KIF6: variants seen among roughly 807,000 people sequenced by gnomAD.
KIF6 encodes kinesin family member 6, also known as kinesin-like protein KIF6.
A neutral mutation model predicts 112.7 loss-of-function variants in KIF6; 106 were observed. The observed-to-expected ratio is 0.94, with a 90% confidence interval of 0.80 to 1.11. The LOEUF (loss-of-function observed/expected upper bound fraction) is 1.11. KIF6 is among the 50% of genes least tolerant of loss of function. The pLI is 0.00. For synonymous variants in KIF6, 339 were observed against 339.9 expected (o/e 1.00, Z 0.03); for missense variants, 929 against 964.0 (o/e 0.96, Z 0.48).
rs753590088 is a variant in KIF6 at position 39,429,735 on chromosome 6, C to T, written c.1754+1318G>A. Among the ~76,000 whole-genome samples, 176 of 152,170 alleles carry T rather than the reference C, an allele frequency of 1.2e-3. 1 individual carries two copies. The highest frequency in any genetic ancestry group is 1.6e-3 in the Non-Finnish European group (111 of 68,000). On this transcript the variant is annotated intron_variant, in intron 14 of 22. Coordinates refer to ENST00000287152, the MANE Select transcript of KIF6 (RefSeq NM_145027.6). The stretch of plus-strand genomic sequence containing the variant: ...CATCGTGGCTAACACAGTGAAACCC[C>T]GTCTCTACTAAAAATACAAAAAATT...
intron 9 of KIF6, 42 bp from the exon 10 acceptor site, chr6:39,578,201 T>C: frequency 7.8e-7 from 1 of 1,274,968 alleles, no homozygotes; most frequent in African/African-American, 1.5e-5. Flanking sequence ...AACTTCTCAT[T>C]AAGGTGAACT....
chr6:39,455,123 T>G (rs991118541), intron 13 of KIF6, among the ~76,000 whole-genome samples: 1 of 152,186 alleles, frequency 6.6e-6, no homozygotes, highest in African/African-American at 2.4e-5. Flanking sequence ...TGTCCCTGTC[T>G]GACAGCTTTG....
At chr6:39,594,254 T>C (rs1782115474) in intron 7 of KIF6, among the ~76,000 whole-genome samples, 3 of 151,316 alleles carry the variant, frequency 2.0e-5, no homozygotes, top group Admixed American at 2.0e-4. Context: ...TCTTGAGTGA[T>C]TACAATTGGT....
chr6:39,456,630 C>T (rs915078092), intron 13 of KIF6, among the ~76,000 whole-genome samples: 5 of 122,136 alleles, frequency 4.1e-5, no homozygotes, highest in African/African-American at 1.8e-4. Context: ...AAACCCATCT[C>T]ACGTGCAGAG....
At chr6:39,338,370 G>C (rs186098287) in intron 22 of KIF6, among the ~76,000 whole-genome samples, 1 of 152,220 alleles carries the variant, frequency 6.6e-6, no homozygotes. Context: ...CGGAGGAAGA[G>C]ATTGGAAATA....
At chr6:39,480,365 C>T (rs540874303) in intron 13 of KIF6, among the ~76,000 whole-genome samples, 16 of 152,168 alleles carry the variant, frequency 1.1e-4, no homozygotes, top group African/African-American at 2.4e-4. Flanking sequence ...TATTGACTTG[C>T]GCATGTTAAA....
At position 39,333,496 on chromosome 6, in the gene KIF6, A is replaced by G. The variant is rs995573193; in HGVS notation, c.*3036T>C. 6.6e-6 allele frequency: 1 copy of G among 152,210 alleles called. No homozygotes were observed. The highest frequency in any genetic ancestry group is 1.5e-5 in the Non-Finnish European group (1 of 68,046). The allele number at this position is 152,210 out of a possible 1,614,324, so 9.4% of individuals were successfully genotyped here. The stretch of plus-strand genomic sequence containing the variant: ...CAGGCTGAAGGGGCAGCAGCTACCC[A>G]TGGCATGTTCATCCCAAGAGAGATC... On this transcript the variant is annotated 3_prime_UTR_variant, in exon 23 of 23. Coordinates refer to ENST00000287152, the MANE Select transcript of KIF6 (RefSeq NM_145027.6).
intron 13 of KIF6, among the ~76,000 whole-genome samples, chr6:39,443,607 T>G (rs970979899): frequency 5.9e-5 from 9 of 151,862 alleles, no homozygotes; most frequent in African/African-American, 2.2e-4. Context: ...CCACACCTGG[T>G]TAATTTTTGT....
intron 13 of KIF6, among the ~76,000 whole-genome samples, chr6:39,455,841 G>T (rs1297129419): frequency 2.1e-5 from 3 of 143,780 alleles, no homozygotes; most frequent in South Asian, 4.6e-4. Flanking sequence ...AAAGAAATGA[G>T]CAAAGCCTCC....
chr6:39,598,423 T>C (rs1391377662), intron 6 of KIF6, among the ~76,000 whole-genome samples: 3 of 152,104 alleles, frequency 2.0e-5, no homozygotes, highest in Non-Finnish European at 2.9e-5. Context: ...AAATGGGAAA[T>C]TTTGTGTACT....
chr6:39,668,141 C>T (rs1223456433), intron 3 of KIF6, among the ~76,000 whole-genome samples: 1 of 152,202 alleles, frequency 6.6e-6, no homozygotes, highest in Non-Finnish European at 1.5e-5. Context: ...CCCTGTACAG[C>T]CTGCAGAACT....
At chr6:39,630,149 G>A (rs548122408) in intron 5 of KIF6, among the ~76,000 whole-genome samples, 2 of 152,030 alleles carry the variant, frequency 1.3e-5, no homozygotes, top group African/African-American at 2.4e-5. Flanking sequence ...CTTCTGTATT[G>A]TGTTGGCTAT....
chr6:39,405,652 T>C (rs187237857), intron 15 of KIF6, among the ~76,000 whole-genome samples: 72 of 152,318 alleles, frequency 4.7e-4, no homozygotes, highest in Admixed American at 8.5e-4. Context: ...GTCTATAGTT[T>C]TCTTGTGATG....
chr6:39,532,456 C>T (rs56713174), intron 13 of KIF6, among the ~76,000 whole-genome samples: 35,999 of 151,896 alleles, frequency 0.24, 5,303 homozygotes, highest in African/African-American at 0.4. Context: ...TCCAGATGGC[C>T]CCCTTTTCCC....
chr6:39,505,130 T>G (rs1402040258), intron 13 of KIF6, among the ~76,000 whole-genome samples: 1 of 152,160 alleles, frequency 6.6e-6, no homozygotes, highest in Non-Finnish European at 1.5e-5. Flanking sequence ...CAAAACAGCA[T>G]GATACTGGTA....
chr6:39,666,202 T>G (rs1786455255), intron 3 of KIF6, among the ~76,000 whole-genome samples: 1 of 152,184 alleles, frequency 6.6e-6, no homozygotes, highest in Non-Finnish European at 1.5e-5. Context: ...TAAAAATCAT[T>G]TTTAGAAGCC....
At chr6:39,691,820 T>C (rs541605129) in intron 3 of KIF6, 2 of 152,332 alleles carry the variant, frequency 1.3e-5, no homozygotes, top group East Asian at 3.9e-4. Flanking sequence ...CCTGAAGACC[T>C]TGGGAACTGC....
In KIF6 at chr6:39,381,002, T is replaced by C. The variant is rs143179530; in HGVS notation, c.1861+4620A>G. Among the ~76,000 whole-genome samples, 620 of 152,338 alleles carry C rather than the reference T, an allele frequency of 4.1e-3. 2 individuals carry two copies. The highest frequency in any genetic ancestry group is 0.014 in the African/African-American group (597 of 41,566). On this transcript the variant is annotated intron_variant, in intron 16 of 22. Coordinates refer to ENST00000287152, the MANE Select transcript of KIF6 (RefSeq NM_145027.6). ...GGAGTACTAACAGTTTATGCTTTTA[T>C]GGACTGAGCCAGCTCAGCACACCAC...
At chr6:39,630,666 C>A (rs1027896531) in intron 5 of KIF6, among the ~76,000 whole-genome samples, 2 of 151,934 alleles carry the variant, frequency 1.3e-5, no homozygotes, top group Non-Finnish European at 2.9e-5. Context: ...ACTTTAATTT[C>A]TTTTTCCGGT....
Sources: allele counts gnomAD v4.1 joint callset (sites outside exome capture counted in the v4.1 genomes callset), GRCh38; gene constraint gnomAD v4.1.1; transcripts MANE v1.5; gene names NCBI Gene and HGNC (gene_info 2026-07-23, HGNC 2026-07-21).